PANK2: variants seen among roughly 807,000 people sequenced by gnomAD.
The protein encoded by PANK2 is pantothenate kinase 2, also known as pantothenate kinase 2, mitochondrial.
PANK2 carries 36 observed loss-of-function variants against 43.1 expected under a neutral mutation model. The observed-to-expected ratio is 0.84, with a 90% CI of 0.64 to 1.10. The LOEUF is 1.10. PANK2 is among the 50% of genes least tolerant of loss of function. PANK2 has a pLI of 0.00. For missense variants in PANK2, 576 were observed against 593.3 expected, an observed-to-expected ratio of 0.97 and a Z score of 0.30; for synonymous variants, 281 against 238.2, an observed-to-expected ratio of 1.18 and a Z score of -1.66.
At chr20:3,914,610 T>G (rs1021127508) in intron 4 of PANK2, among the ~76,000 whole-genome samples, 6 of 151,670 alleles carry the variant, frequency 4.0e-5, no homozygotes, top group Admixed American at 2.0e-4. Context: ...AACATTTTTT[T>G]TGTGTGTGTG....
chr20:3,896,758 G>A (rs904328584), intron 1 of PANK2, among the ~76,000 whole-genome samples: 37 of 152,168 alleles, frequency 2.4e-4, no homozygotes, highest in African/African-American at 7.7e-4. Flanking sequence ...TGCAGTGCCC[G>A]AGAGCACAGA....
intron 6 of PANK2, 50 bp downstream of exon 6, chr20:3,918,846 G>A: frequency 1.2e-6 from 2 of 1,613,686 alleles, no homozygotes; most frequent in Non-Finnish European, 1.7e-6. Flanking sequence ...AGGGCTTGTG[G>A]GTCACACTGT....
chr20:3,917,446 G>A (rs1436672132), intron 5 of PANK2: 3 of 534,472 alleles, frequency 5.6e-6, no homozygotes. Flanking sequence ...GACTGAGCAG[G>A]CCGAGGGGTG....
intron 4 of PANK2, among the ~76,000 whole-genome samples, chr20:3,914,136 T>TG (rs1178289349): frequency 6.6e-6 from 1 of 151,968 alleles, no homozygotes; most frequent in Non-Finnish European, 1.5e-5. Context: ...AGAGTAGAAT[T>TG]GCTGAGTCAT....
At chr20:3,917,143 T>G (rs2090574488) in intron 5 of PANK2, 93 bp downstream of exon 5, 1 of 1,517,780 alleles carries the variant, frequency 6.6e-7, no homozygotes, top group African/African-American at 1.4e-5. Flanking sequence ...AGTGCCTAAA[T>G]GTAGTCATTT....
In PANK2 at chr20:3,893,681, T is replaced by G. The variant is rs144250667; in HGVS notation, c.298+3953T>G. 8.7e-3 allele frequency among the ~76,000 whole-genome samples: 1,325 copies of G among 152,244 alleles called. 17 individuals carry two copies. Among genetic ancestry groups the G allele is most frequent in the African/African-American group, 0.03 (1,256 of 41,530 alleles). On this transcript the variant is annotated intron_variant, in intron 1 of 6. Transcript: ENST00000610179. ...CAAATCTAACCTTCATAATACAGTT[T>G]TTGTTTGTAGCTTGACAACACTAGC...
intron 1 of PANK2, among the ~76,000 whole-genome samples, chr20:3,907,490 TTA>T (rs1213168774): frequency 6.6e-6 from 1 of 152,124 alleles, no homozygotes; most frequent in Non-Finnish European, 1.5e-5. Flanking sequence ...CCATTGGAGG[TTA>T]TATGTTACAT....
chr20:3,906,924 G>T (rs1159504326), intron 1 of PANK2, among the ~76,000 whole-genome samples: 2 of 151,776 alleles, frequency 1.3e-5, no homozygotes, highest in Non-Finnish European at 2.9e-5. Context: ...TCAGCCTCCG[G>T]AGTAGCTGGG....
chr20:3,889,410 G>T lies in PANK2; in HGVS notation c.-21G>T, dbSNP rs780551883. ...CTGCTCTGGCTGGACTGCCGCGGAG[G>T]AGGCGAGAAGGAATCCGACGCTGGG... On this transcript the variant is annotated 5_prime_UTR_variant, in exon 1 of 7. Transcript: ENST00000610179. 2.5e-6 allele frequency: 4 copies of T among 1,571,490 alleles called. No homozygotes were observed. Among genetic ancestry groups the T allele is most frequent in the East Asian group, 4.7e-5 (2 of 42,796 alleles).
At chr20:3,899,918 A>T (rs1482481102) in intron 1 of PANK2, among the ~76,000 whole-genome samples, 2 of 151,206 alleles carry the variant, frequency 1.3e-5, no homozygotes, top group Non-Finnish European at 2.9e-5. Context: ...CATTCACAGG[A>T]TGGTCTCGAT....
At chr20:3,891,035 G>A (rs2146810741) in intron 1 of PANK2, among the ~76,000 whole-genome samples, 1 of 151,954 alleles carries the variant, frequency 6.6e-6, no homozygotes, top group South Asian at 2.1e-4. Flanking sequence ...TAGCCACAAG[G>A]GTTTTTTTGG....
At chr20:3,917,209 CTT>C (rs368246657) in intron 5 of PANK2, among the ~76,000 whole-genome samples, 159 bp downstream of exon 5, 14 of 143,016 alleles carry the variant, frequency 9.8e-5, no homozygotes, top group Non-Finnish European at 7.7e-5. Context: ...GATTAATCTT[CTT>C]TTTTTTTTTT....
intron 2 of PANK2, chr20:3,908,752 G>A (rs1243428196): frequency 9.1e-6 from 2 of 218,676 alleles, no homozygotes; most frequent in Non-Finnish European, 1.8e-5. Context: ...GGGCTGGTCT[G>A]AGATGGGTGA....
chr20:3,913,666 T>C (rs1315506496), intron 4 of PANK2, among the ~76,000 whole-genome samples: 30 of 151,844 alleles, frequency 2.0e-4, no homozygotes, highest in Non-Finnish European at 4.1e-4. Context: ...TGGATAATAC[T>C]ACATTTTATC....
At chr20:3,890,161 G>A (rs1229621721) in intron 1 of PANK2, among the ~76,000 whole-genome samples, 2 of 151,942 alleles carry the variant, frequency 1.3e-5, no homozygotes, top group Non-Finnish European at 2.9e-5. Flanking sequence ...CCTTTTATTC[G>A]TCAATTTCGG....
At chr20:3,914,378 C>T (rs770043974) in intron 4 of PANK2, among the ~76,000 whole-genome samples, 7 of 151,856 alleles carry the variant, frequency 4.6e-5, no homozygotes, top group Non-Finnish European at 7.4e-5. Context: ...TGCAGTGTTG[C>T]GATCATAACT....
intron 1 of PANK2, 32 bp downstream of exon 1, chr20:3,889,760 G>T: frequency 1.5e-6 from 1 of 649,530 alleles, no homozygotes; most frequent in South Asian, 2.0e-5. Context: ...CTCCCGGCCC[G>T]CCCTGCCCCC....
intron 3 of PANK2, among the ~76,000 whole-genome samples, chr20:3,911,325 CTG>C (rs1241181542): frequency 1.3e-5 from 2 of 152,196 alleles, no homozygotes; most frequent in African/African-American, 4.8e-5. Flanking sequence ...TGGCTCATGC[CTG>C]TAATCCCAGC....
chr20:3,889,612 C>G lies in PANK2; in HGVS notation c.182C>G (p.Ser61Trp), dbSNP rs1375502090. The change falls in exon 1 of 7, where the codon TCG becomes TGG. Residue 61 changes from serine (S) to tryptophan (W), a missense_variant. Around this residue, in one of 2 missense-constraint regions of PANK2, gnomAD observed 544 missense variants for 528.9 expected, o/e 1.03. Coordinates refer to ENST00000610179, the MANE Select transcript of PANK2 (RefSeq NM_001386393.1). ...CTGCGGCGCCGGGCGAGCAGCGCGT[C>G]GGTGCCCGCGGTCGGGGCCTCGGCT... is the stretch of plus-strand genomic sequence containing the variant. The G allele has an allele frequency of 5.9e-6, 9 of 1,534,110 alleles. No homozygotes were observed. The highest frequency in any genetic ancestry group is 7.8e-6 in the Non-Finnish European group (9 of 1,149,318).
Sources: gnomAD v4.1 joint callset for allele counts (sites outside exome capture counted in the v4.1 genomes callset) on GRCh38, gnomAD v4.1.1 for gene constraint, gnomAD v4.1.1 regional missense constraint, MANE v1.5 for transcripts, NCBI Gene and HGNC (gene_info 2026-07-23, HGNC 2026-07-21) for gene names.